The following IQCE variants were observed in gnomAD, a reference collection of about 807,000 sequenced individuals.
The protein encoded by IQCE is IQ domain-containing protein E.
A neutral mutation model predicts 96.0 loss-of-function variants in IQCE; 115 were observed. The ratio of observed to expected loss-of-function variants is 1.20; its 90% CI spans 1.03 to 1.40. IQCE has a LOEUF of 1.40. Ranked by LOEUF, IQCE falls within the 40% of genes most tolerant of loss-of-function variation. The pLI, the probability that IQCE is intolerant of heterozygous loss-of-function variation, is 0.00. For missense variants in IQCE, 1,041 were observed against 909.1 expected, an observed-to-expected ratio of 1.15 and a Z score of -1.87; for synonymous variants, 412 against 371.2, an observed-to-expected ratio of 1.11 and a Z score of -1.26.
At chr7:2,601,071 C>T (rs1448517645) in intron 17 of IQCE, among the ~76,000 whole-genome samples, 3 of 152,180 alleles carry the variant, frequency 2.0e-5, no homozygotes, top group African/African-American at 4.8e-5. Flanking sequence ...GTGGTCCGGA[C>T]ACCTGTGCTG....
At position 2,587,850 on chromosome 7, in the gene IQCE, G is replaced by A. The variant is rs1452319388; in HGVS notation, c.1017G>A (p.Leu339=). The change falls in exon 13 of 22, where the codon CTG becomes CTA. Residue 339 remains leucine (L), a synonymous_variant. Coordinates refer to ENST00000402050, the MANE Select transcript of IQCE (RefSeq NM_152558.5). ...ATGTGGAGTGGAGCAAGCCCCGGCTGCTGAGGCGCATTGTGGAGCTGGAGA... is the reference window on the plus strand; with the variant it reads ...ATGTGGAGTGGAGCAAGCCCCGGCTACTGAGGCGCATTGTGGAGCTGGAGA... ...QGYVEWSKPR[L]LRRIVELEKK... 1 of 1,614,076 alleles carries A rather than the reference G, an allele frequency of 6.2e-7. No individual in the cohort carries two copies. The highest frequency in any genetic ancestry group is 1.1e-5 in the South Asian group (1 of 91,078).
intron 9 of IQCE, among the ~76,000 whole-genome samples, chr7:2,583,302 C>T (rs1051569932): frequency 6.6e-6 from 1 of 152,218 alleles, no homozygotes; most frequent in Non-Finnish European, 1.5e-5. Flanking sequence ...CTTGTCCTTT[C>T]TAAGCTCCAA....
Position 2,584,255 on chromosome 7 carries a change from T to C in IQCE, c.794T>C (p.Leu265Pro). ...YYEEVHRLQT[L>P]LASSETTGKK... ...TTACAGGTGCATCGTCTCCAGACCC[T>C]CTTGGCAAGTTCTGAAACCACCGGA... is the stretch of plus-strand genomic sequence containing the variant. Residue 265 changes from leucine (L) to proline (P), a missense_variant, in exon 11 of 22, where the codon CTC becomes CCC. Leu to Pro is a moderately conservative substitution (Grantham distance 98). Coordinates refer to ENST00000402050, the MANE Select transcript of IQCE (RefSeq NM_152558.5). 1 of 1,614,128 alleles carries C rather than the reference T, an allele frequency of 6.2e-7. No homozygotes were observed. Among genetic ancestry groups the C allele is most frequent in the Non-Finnish European group, 8.5e-7 (1 of 1,179,940 alleles).
intron 16 of IQCE, among the ~76,000 whole-genome samples, chr7:2,596,362 T>C (rs1784040121): frequency 6.6e-6 from 1 of 150,754 alleles, no homozygotes; most frequent in Admixed American, 6.6e-5. Flanking sequence ...AAAACACTAT[T>C]GAAATACAGC....
At chr7:2,584,159 G>C in intron 10 of IQCE, 77 bp from the exon 11 acceptor site, 2 of 1,279,558 alleles carry the variant, frequency 1.6e-6, no homozygotes, top group Non-Finnish European at 2.3e-6. Context: ...GGTCAGGACT[G>C]TGATGTTGGT....
At chr7:2,589,473 TC>T (rs1388792681) in intron 13 of IQCE, among the ~76,000 whole-genome samples, 1 of 151,988 alleles carries the variant, frequency 6.6e-6, no homozygotes, top group Non-Finnish European at 1.5e-5. Context: ...ACGTCCAAGA[TC>T]CGGGAGAGGC....
chr7:2,573,635 G>C (rs1385459156), intron 6 of IQCE, 147 bp downstream of exon 6: 1 of 544,874 alleles, frequency 1.8e-6, no homozygotes, highest in Non-Finnish European at 3.3e-6. Flanking sequence ...CCGTGGCGTA[G>C]TGCCCTAGGA....
At chr7:2,566,782 C>T (rs934081953) in intron 1 of IQCE, among the ~76,000 whole-genome samples, 1 of 152,194 alleles carries the variant, frequency 6.6e-6, no homozygotes, top group Non-Finnish European at 1.5e-5. Flanking sequence ...AGAGTGAGAA[C>T]ATTTATGTAA....
chr7:2,582,669 C>G lies in IQCE; in HGVS notation c.701+19C>G, dbSNP rs767439506. ...CCATCAGGTGGGCGCAGGGCTGCAC[C>G]CTCTCCCCTGCCTTCCGCCCCGTGT... On this transcript the variant is annotated intron_variant, in intron 9 of 21. Transcript: ENST00000402050. 66 of 1,607,404 alleles carry G rather than the reference C, an allele frequency of 4.1e-5. No individual in the cohort carries two copies. The Admixed American group carries it at 1.1e-3, about 26-fold the overall frequency.
intron 6 of IQCE, among the ~76,000 whole-genome samples, chr7:2,576,239 T>C (rs2917746): frequency 0.75 from 114,111 of 152,048 alleles, 43,027 homozygotes; most frequent in African/African-American, 0.77. Flanking sequence ...GGATGGCTGG[T>C]GGTTAGATGC....
At position 2,569,007 on chromosome 7, in the gene IQCE, T is replaced by C. The variant is rs1781575782; in HGVS notation, c.130+8T>C. 6.2e-7 allele frequency: 1 copy of C among 1,613,670 alleles called. No homozygotes were observed. The highest frequency in any genetic ancestry group is 8.5e-7 in the Non-Finnish European group (1 of 1,179,658). On this transcript the variant is annotated splice_region_variant and intron_variant, in intron 3 of 21. Coordinates refer to ENST00000402050, the MANE Select transcript of IQCE (RefSeq NM_152558.5). The stretch of plus-strand genomic sequence containing the variant: ...CTCCACCCACATCGCCAAGTAAGTA[T>C]GACGAGGCCTGCCTTCCCTCTCACG...
At chr7:2,601,391 A>G in intron 17 of IQCE, 50 bp from the exon 18 acceptor site, 1 of 1,249,900 alleles carries the variant, frequency 8.0e-7, no homozygotes. Context: ...AACCACATTC[A>G]TCCTTCTCGT....
At chr7:2,593,584 C>A (rs1291970661) in intron 15 of IQCE, among the ~76,000 whole-genome samples, 1 of 152,270 alleles carries the variant, frequency 6.6e-6, no homozygotes. Context: ...CCTGACCGGC[C>A]CGGCCCGGGG....
intron 1 of IQCE, among the ~76,000 whole-genome samples, chr7:2,565,675 C>T (rs551432091): frequency 7.2e-5 from 11 of 152,220 alleles, no homozygotes; most frequent in Middle Eastern, 3.4e-3. Flanking sequence ...GTCCAGTTCC[C>T]GGCCTGCCCT....
intron 4 of IQCE, 142 bp downstream of exon 4, chr7:2,571,796 C>T: frequency 1.0e-6 from 1 of 984,518 alleles, no homozygotes; most frequent in Non-Finnish European, 1.5e-6. Context: ...CAAATATACA[C>T]ATCGTAGTTT....
intron 12 of IQCE, among the ~76,000 whole-genome samples, chr7:2,587,185 T>C (rs1338011268): frequency 6.6e-6 from 1 of 151,646 alleles, no homozygotes; most frequent in South Asian, 2.1e-4. Context: ...AAAGACAGAG[T>C]TGCTATTTCC....
In IQCE at chr7:2,559,128, G is replaced by T. The variant is rs1780721647; in HGVS notation, c.-54G>T. On this transcript the variant is annotated 5_prime_UTR_variant, in exon 1 of 22. Transcript: ENST00000402050. The stretch of plus-strand genomic sequence containing the variant: ...GGCCAGGGCTGCCCGCGGATTCCCA[G>T]ACCCGGACGCCCGAGCCAGCAACCC... 1.8e-6 allele frequency: 2 copies of T among 1,099,446 alleles called. No homozygotes were observed. The highest frequency in any genetic ancestry group is 4.5e-5 in the South Asian group (1 of 22,160). 68.1% of individuals were successfully genotyped at this position (1,099,446 alleles called of 1,614,324 possible). A position where few individuals can be genotyped will look rare whatever the true frequency, so the allele number is the denominator to read the frequency against.
At position 2,559,020 on chromosome 7, in the gene IQCE, A is replaced by T. The variant is rs1780710262; in HGVS notation, c.-162A>T. 5 of 361,622 alleles carry T rather than the reference A, an allele frequency of 1.4e-5. No individual in the cohort carries two copies. The East Asian group carries it at 2.2e-4, about 16-fold the overall frequency. 22.4% of individuals were successfully genotyped at this position (361,622 alleles called of 1,614,324 possible). ...GCCCCAGGGGGAACGCAGGTCGCTT[A>T]CCCGGCTGGGTAGGTCGGCGGCCTG... On this transcript the variant is annotated 5_prime_UTR_variant, in exon 1 of 22. Coordinates refer to ENST00000402050, the MANE Select transcript of IQCE (RefSeq NM_152558.5).
At chr7:2,588,018 C>G (rs1783262541) in intron 13 of IQCE, 141 bp downstream of exon 13, 2 of 797,222 alleles carry the variant, frequency 2.5e-6, no homozygotes, top group Admixed American at 4.0e-5. Flanking sequence ...CGCAAGGAGA[C>G]TTCTTCCAGG....
Sources: gnomAD v4.1 joint callset for allele counts (sites outside exome capture counted in the v4.1 genomes callset) on GRCh38, gnomAD v4.1.1 for gene constraint, MANE v1.5 for transcripts, NCBI Gene and HGNC (gene_info 2026-07-23, HGNC 2026-07-21) for gene names.